Variants in MAP2 observed in about 807,000 individuals in gnomAD.
The protein encoded by MAP2 is microtubule associated protein 2.
A neutral mutation model predicts 137.6 loss-of-function variants in MAP2; 14 were observed. The ratio of observed to expected loss-of-function variants is 0.10; its 90% confidence interval spans 0.07 to 0.16. The LOEUF (loss-of-function observed/expected upper bound fraction) is 0.16, where lower values mean the gene tolerates loss of function less well. MAP2 is among the 10% of genes least tolerant of loss of function. The pLI is 1.00. For synonymous variants in MAP2, 786 were observed against 782.3 expected (o/e 1.00, Z -0.08); for missense variants, 2,088 against 2,191.5 (o/e 0.95, Z 0.94).
intron 4 of MAP2, among the ~76,000 whole-genome samples, chr2:209,626,598 C>A (rs2092358524): frequency 6.6e-6 from 1 of 152,158 alleles, no homozygotes; most frequent in African/African-American, 2.4e-5. Flanking sequence ...GATCATATAA[C>A]CTTCCTGTGT....
chr2:209,575,807 G>A (rs12620654), intron 2 of MAP2, among the ~76,000 whole-genome samples: 22,838 of 152,038 alleles, frequency 0.15, 2,274 homozygotes, highest in African/African-American at 0.28. Context: ...TGGAACTAGC[G>A]GGGTGAAGTT....
intron 15 of MAP2, 21 bp downstream of exon 15, chr2:209,729,983 C>A (rs1584835951): frequency 2.1e-6 from 3 of 1,436,598 alleles, no homozygotes; most frequent in Non-Finnish European, 2.8e-6. Flanking sequence ...AGGTTATGAG[C>A]CAATCTTGTC....
At chr2:209,603,864 G>T (rs1462265158) in intron 3 of MAP2, among the ~76,000 whole-genome samples, 1 of 152,066 alleles carries the variant, frequency 6.6e-6, no homozygotes, top group Non-Finnish European at 1.5e-5. Context: ...ATGTGCTCTG[G>T]TAGGGGGAAA....
At chr2:209,687,575 T>G (rs2057434723) in intron 7 of MAP2, among the ~76,000 whole-genome samples, 1 of 152,174 alleles carries the variant, frequency 6.6e-6, no homozygotes, top group Non-Finnish European at 1.5e-5. Flanking sequence ...CTCCATCAGC[T>G]TGATCTTGCT....
At chr2:209,527,905 G>A (rs1157129917) in intron 2 of MAP2, among the ~76,000 whole-genome samples, 1 of 152,132 alleles carries the variant, frequency 6.6e-6, no homozygotes, top group East Asian at 1.9e-4. Flanking sequence ...ATTGCCTCCT[G>A]GCTTTGTTTT....
rs935954948 is a variant in MAP2, at chr2:209,720,336, G to A, written c.5074-5373G>A. On this transcript the variant is annotated intron_variant, in intron 13 of 15. Coordinates refer to ENST00000682079, the MANE Select transcript of MAP2 (RefSeq NM_001375505.1). The stretch of plus-strand genomic sequence containing the variant: ...ACACTACTTTGTATTAATAGTGCAA[G>A]TAAAAATTTTACTTGAAATAGGCCG... Among the ~76,000 whole-genome samples, 7 of 152,092 alleles carry A rather than the reference G, an allele frequency of 4.6e-5. No homozygotes were observed. The East Asian group carries it at 1.2e-3, about 25-fold the overall frequency.
intron 2 of MAP2, among the ~76,000 whole-genome samples, chr2:209,567,389 G>A (rs915780156): frequency 6.6e-6 from 1 of 152,058 alleles, no homozygotes; most frequent in African/African-American, 2.4e-5. Flanking sequence ...TAAAATGGAG[G>A]AGAAAGAGTT....
chr2:209,628,881 C>T (rs1055403754), intron 4 of MAP2, among the ~76,000 whole-genome samples: 4 of 152,140 alleles, frequency 2.6e-5, no homozygotes, highest in Non-Finnish European at 4.4e-5. Context: ...CAAGGGTTAC[C>T]ATGGAACAAT....
At chr2:209,663,850 G>A (rs1383794411) in intron 5 of MAP2, among the ~76,000 whole-genome samples, 1 of 152,188 alleles carries the variant, frequency 6.6e-6, no homozygotes, top group Non-Finnish European at 1.5e-5. Flanking sequence ...GTGACACGTT[G>A]CATTTGCCGA....
intron 2 of MAP2, among the ~76,000 whole-genome samples, chr2:209,538,311 T>C (rs1292245855): frequency 6.6e-6 from 1 of 152,212 alleles, no homozygotes; most frequent in Non-Finnish European, 1.5e-5. Context: ...ATTCATGAAC[T>C]TTGTGGTGAC....
In MAP2 at chr2:209,662,708, T is replaced by G. The variant is rs977930920; in HGVS notation, c.262+9276T>G. ...TCTTTTTTTATTTTTAGCAAACAGA[T>G]GAAAGTAATAAGTAATGGGAGTGAG... is the stretch of plus-strand genomic sequence containing the variant. On this transcript the variant is annotated intron_variant, in intron 5 of 15. Coordinates refer to ENST00000682079, the MANE Select transcript of MAP2 (RefSeq NM_001375505.1). Among the ~76,000 whole-genome samples the G allele has an allele frequency of 8.2e-4, 125 of 152,220 alleles. 1 individual carries two copies. The highest frequency in any genetic ancestry group is 2.8e-3 in the African/African-American group (118 of 41,556).
At chr2:209,528,767 T>G (rs1559281502) in intron 2 of MAP2, among the ~76,000 whole-genome samples, 1 of 151,422 alleles carries the variant, frequency 6.6e-6, no homozygotes, top group Non-Finnish European at 1.5e-5. Flanking sequence ...TATGTATATA[T>G]GTATATGTAC....
At chr2:209,669,740 G>A (rs1315995717) in intron 5 of MAP2, among the ~76,000 whole-genome samples, 2 of 151,494 alleles carry the variant, frequency 1.3e-5, no homozygotes, top group African/African-American at 4.8e-5. Flanking sequence ...TAAAAGCATG[G>A]ACAGACCTCT....
intron 1 of MAP2, among the ~76,000 whole-genome samples, chr2:209,433,568 A>T (rs7569410): frequency 1.3e-5 from 2 of 152,028 alleles, no homozygotes; most frequent in African/African-American, 2.4e-5. Context: ...TAAAAGCAGA[A>T]TTTTTTTAGA....
rs968465599 is a variant in MAP2, at chr2:209,696,716, C to G, written c.4355C>G (p.Thr1452Arg). The change falls in exon 9 of 16, where the codon ACA becomes AGA. Residue 1452 changes from threonine to arginine, a missense_variant. Thr to Arg is a moderately conservative substitution (Grantham distance 71). Around this residue, in one of 6 missense-constraint regions of MAP2, gnomAD observed 591 missense variants for 642.6 expected, o/e 0.92. Coordinates refer to ENST00000682079, the MANE Select transcript of MAP2 (RefSeq NM_001375505.1). ...ERKVAKKEPS[T>R]VSRDEVRRKK... ...AAAGTAGCTAAAAAGGAACCTAGCACAGTCTCCAGAGATGAAGTGAGAAGG... is the reference window on the plus strand; with the variant it reads ...AAAGTAGCTAAAAAGGAACCTAGCAGAGTCTCCAGAGATGAAGTGAGAAGG... 1 of 1,613,606 alleles carries G rather than the reference C, an allele frequency of 6.2e-7. No homozygotes were observed. The highest frequency in any genetic ancestry group is 8.5e-7 in the Non-Finnish European group (1 of 1,179,908).
At chr2:209,541,680 A>AT (rs888936380) in intron 2 of MAP2, among the ~76,000 whole-genome samples, 2 of 152,138 alleles carry the variant, frequency 1.3e-5, no homozygotes, top group Non-Finnish European at 2.9e-5. Flanking sequence ...CCAGGAGTAG[A>AT]TTTTATCTCA....
chr2:209,515,457 C>T (rs1461778950), intron 2 of MAP2, among the ~76,000 whole-genome samples: 1 of 152,042 alleles, frequency 6.6e-6, no homozygotes, highest in Non-Finnish European at 1.5e-5. Flanking sequence ...AATCATGGTG[C>T]AAGCGGAAGC....
chr2:209,440,994 G>A (rs1292885005), intron 1 of MAP2, among the ~76,000 whole-genome samples: 2 of 151,394 alleles, frequency 1.3e-5, no homozygotes, highest in African/African-American at 4.8e-5. Flanking sequence ...ACATACATGT[G>A]ATACACTTAA....
At chr2:209,714,845 G>T (rs1203517182) in intron 13 of MAP2, among the ~76,000 whole-genome samples, 2 of 152,110 alleles carry the variant, frequency 1.3e-5, no homozygotes, top group African/African-American at 2.4e-5. Context: ...TCTATACTTT[G>T]TCTTTAATGA....
Sources: gnomAD v4.1 joint callset for allele counts (sites outside exome capture counted in the v4.1 genomes callset) on GRCh38, gnomAD v4.1.1 for gene constraint, gnomAD v4.1.1 regional missense constraint, MANE v1.5 for transcripts, NCBI Gene and HGNC (gene_info 2026-07-23, HGNC 2026-07-21) for gene names.